Variants in ECT2L observed in about 807,000 individuals in gnomAD.
ECT2L encodes epithelial cell transforming 2 like, also known as epithelial cell-transforming sequence 2 oncogene-like.
ECT2L carries 126 observed loss-of-function variants against 122.8 expected under a neutral mutation model. That is an observed-to-expected ratio of 1.03 (90% confidence interval 0.89 to 1.19). The LOEUF (loss-of-function observed/expected upper bound fraction) is 1.19, where lower values mean the gene tolerates loss of function less well. Ranked by LOEUF, ECT2L falls within the 50% of genes most tolerant of loss-of-function variation. The pLI is 0.00. For missense variants in ECT2L, 1,012 were observed against 1,064.1 expected, an observed-to-expected ratio of 0.95 and a Z score of 0.68; for synonymous variants, 385 against 381.8, an observed-to-expected ratio of 1.01 and a Z score of -0.10.
rs978143538 is a variant in ECT2L at position 138,903,691 on chromosome 6, A to T, written c.*1064A>T. 2.6e-5 allele frequency: 4 copies of T among 152,236 alleles called. No homozygotes were observed. Among genetic ancestry groups the T allele is most frequent in the Admixed American group, 2.6e-4 (4 of 15,286 alleles). 9.4% of individuals were successfully genotyped at this position (152,236 alleles called of 1,614,324 possible). A position where few individuals can be genotyped will look rare whatever the true frequency, so the allele number is the denominator to read the frequency against. The stretch of plus-strand genomic sequence containing the variant: ...TTTCTTTGAAAACAAAGACACTCAG[A>T]AAAACAGGTGTTGAGTAGTTTCCTG... On this transcript the variant is annotated 3_prime_UTR_variant, in exon 22 of 22. Coordinates refer to ENST00000541398, the MANE Select transcript of ECT2L (RefSeq NM_001077706.3).
intron 1 of ECT2L, among the ~76,000 whole-genome samples, chr6:138,803,750 G>T (rs1439471122): frequency 6.6e-6 from 1 of 152,156 alleles, no homozygotes; most frequent in Non-Finnish European, 1.5e-5. Flanking sequence ...ATCCAAATCT[G>T]GTGCTCACTA....
At chr6:138,868,292 GT>G in intron 13 of ECT2L, 86 bp downstream of exon 13, 1 of 1,193,048 alleles carries the variant, frequency 8.4e-7, no homozygotes, top group Non-Finnish European at 1.2e-6. Flanking sequence ...TTTTTGACCA[GT>G]TTATCCCTTT....
rs964274920 is a variant in ECT2L, at chr6:138,851,266, G to A, written c.1069+1832G>A. ...TGCAGTGGTGTGATCATAGCTTATT[G>A]TAGCCTTGAACTCCTAGGCTCAAGT... On this transcript the variant is annotated intron_variant, in intron 9 of 21. Transcript: ENST00000541398. 9.9e-5 allele frequency among the ~76,000 whole-genome samples: 15 copies of A among 151,808 alleles called. 1 individual carries two copies. Among genetic ancestry groups the A allele is most frequent in the Admixed American group, 9.2e-4 (14 of 15,232 alleles).
chr6:138,815,335 T>C (rs74537564), intron 4 of ECT2L, among the ~76,000 whole-genome samples: 3,360 of 152,316 alleles, frequency 0.022, 44 homozygotes, highest in Non-Finnish European at 0.028. Flanking sequence ...CAGATGAATG[T>C]TAGAAACGGA....
At chr6:138,886,329 A>G (rs1248841551) in intron 18 of ECT2L, among the ~76,000 whole-genome samples, 2 of 151,956 alleles carry the variant, frequency 1.3e-5, no homozygotes, top group Non-Finnish European at 2.9e-5. Context: ...CTGCTAACAC[A>G]TTTTTCCATG....
chr6:138,856,404 G>C (rs1196451098), intron 10 of ECT2L, among the ~76,000 whole-genome samples: 1 of 151,942 alleles, frequency 6.6e-6, no homozygotes, highest in African/African-American at 2.4e-5. Context: ...TAGTGGAGAC[G>C]GGGTTTCACC....
intron 4 of ECT2L, among the ~76,000 whole-genome samples, chr6:138,835,146 A>G (rs1178035849): frequency 1.1e-5 from 1 of 92,888 alleles, no homozygotes; most frequent in Non-Finnish European, 2.7e-5. Flanking sequence ...TTAGCCACTT[A>G]AAAAAAACTT....
chr6:138,876,393 G>A, intron 13 of ECT2L, 79 bp from the exon 14 acceptor site: 2 of 916,260 alleles, frequency 2.2e-6, no homozygotes, highest in Non-Finnish European at 3.5e-6. Context: ...GCTTCTGAGG[G>A]CCTCCTGCGG....
chr6:138,829,060 G>A (rs1482810232), intron 4 of ECT2L, among the ~76,000 whole-genome samples: 2 of 147,662 alleles, frequency 1.4e-5, no homozygotes, highest in African/African-American at 2.5e-5. Context: ...GTCTCACTAT[G>A]TTGCCCAGCG....
intron 11 of ECT2L, among the ~76,000 whole-genome samples, chr6:138,863,997 G>A (rs1162540810): frequency 4.6e-5 from 3 of 65,760 alleles, no homozygotes; most frequent in African/African-American, 1.7e-4. Flanking sequence ...CTCATTCTCC[G>A]TATTTAAAAA....
intron 9 of ECT2L, among the ~76,000 whole-genome samples, chr6:138,853,012 G>A (rs1318885430): frequency 6.6e-6 from 1 of 152,114 alleles, no homozygotes; most frequent in East Asian, 1.9e-4. Flanking sequence ...CTGTCGCCCA[G>A]GCTGGAGTAC....
intron 4 of ECT2L, among the ~76,000 whole-genome samples, chr6:138,826,298 C>A (rs1301646008): frequency 2.0e-5 from 3 of 152,174 alleles, no homozygotes; most frequent in Admixed American, 6.5e-5. Context: ...TACATACCAG[C>A]CACTAAGAAT....
At chr6:138,812,200 C>T (rs1775924740) in intron 1 of ECT2L, among the ~76,000 whole-genome samples, 1 of 152,178 alleles carries the variant, frequency 6.6e-6, no homozygotes, top group Non-Finnish European at 1.5e-5. Flanking sequence ...ATGCTACTGA[C>T]ATCTTAATCT....
intron 13 of ECT2L, among the ~76,000 whole-genome samples, chr6:138,875,425 G>A (rs1412333849): frequency 1.3e-5 from 2 of 152,226 alleles, no homozygotes; most frequent in African/African-American, 2.4e-5. Context: ...CTCATCCCTG[G>A]ACATCCAAGG....
intron 15 of ECT2L, among the ~76,000 whole-genome samples, 195 bp from the exon 16 acceptor site, chr6:138,882,529 G>T (rs185018727): frequency 6.6e-6 from 1 of 152,266 alleles, no homozygotes; most frequent in Admixed American, 6.5e-5. Context: ...ATTCCACCCC[G>T]GCCAACCTAC....
intron 13 of ECT2L, among the ~76,000 whole-genome samples, chr6:138,868,710 G>A (rs1419565347): frequency 6.6e-6 from 1 of 152,078 alleles, no homozygotes; most frequent in African/African-American, 2.4e-5. Flanking sequence ...GAAACCCAAA[G>A]AAACAATTTC....
Position 138,846,630 on chromosome 6 carries a change from C to A in ECT2L, c.856C>A (p.Leu286Ile). The A allele has an allele frequency of 6.2e-7, 1 of 1,610,558 alleles. No homozygotes were observed. The highest frequency in any genetic ancestry group is 8.5e-7 in the Non-Finnish European group (1 of 1,178,602). The change falls in exon 8 of 22, where the codon CTC becomes ATC. Residue 286 changes from leucine (L) to isoleucine (I), a missense_variant. Leu to Ile is a conservative substitution (Grantham distance 5, BLOSUM62 2). Coordinates refer to ENST00000541398, the MANE Select transcript of ECT2L (RefSeq NM_001077706.3). ...HKNDDRSSYALRPHFMLISSR... is the reference protein window; with the variant it reads ...HKNDDRSSYAIRPHFMLISSR... ...AAATGATGACAGATCTTCATATGCT[C>A]TCCGGCCACACTTCATGTTAATATC...
At chr6:138,813,584 A>G (rs1775971042) in intron 3 of ECT2L, among the ~76,000 whole-genome samples, 1 of 152,204 alleles carries the variant, frequency 6.6e-6, no homozygotes, top group Non-Finnish European at 1.5e-5. Context: ...CAGGAACAAA[A>G]TAGAGACCTC....
chr6:138,805,760 A>G (rs965358958), intron 1 of ECT2L, among the ~76,000 whole-genome samples: 3 of 152,232 alleles, frequency 2.0e-5, no homozygotes, highest in Non-Finnish European at 4.4e-5. Context: ...GGATTCCAAG[A>G]GTTCAAAAAC....
Sources: gnomAD v4.1 joint callset for allele counts (sites outside exome capture counted in the v4.1 genomes callset) on GRCh38, gnomAD v4.1.1 for gene constraint, MANE v1.5 for transcripts, NCBI Gene and HGNC (gene_info 2026-07-23, HGNC 2026-07-21) for gene names.